Variants in EFCAB8 observed in about 807,000 individuals in gnomAD.
EFCAB8 encodes the protein EF-hand calcium binding domain 8, also known as EF-hand calcium-binding domain-containing protein 8.
Under a neutral mutation model 116.3 loss-of-function variants are expected in EFCAB8, and 100 were observed. That is an observed-to-expected ratio of 0.86 (90% CI 0.73 to 1.02). EFCAB8 has a LOEUF of 1.02. Ranked by LOEUF, EFCAB8 falls within the 50% of genes least tolerant of loss-of-function variation. EFCAB8 has a pLI of 0.00. For missense variants in EFCAB8, 1,320 were observed against 1,416.9 expected (o/e 0.93, Z 1.10); for synonymous variants, 558 against 567.9 (o/e 0.98, Z 0.25).
chr20:32,889,085 G>A (rs6058936), intron 6 of EFCAB8, among the ~76,000 whole-genome samples: 2 of 152,170 alleles, frequency 1.3e-5, no homozygotes, highest in East Asian at 3.9e-4. Context: ...TTTTAAAGAA[G>A]GTGTTCTTTA....
At chr20:32,935,942 T>C (rs904421720) in intron 22 of EFCAB8, among the ~76,000 whole-genome samples, 1 of 152,216 alleles carries the variant, frequency 6.6e-6, no homozygotes, top group Non-Finnish European at 1.5e-5. Context: ...TCTCTTTACT[T>C]TGTTCATTGT....
At chr20:32,922,149 T>C (rs1014812378) in intron 20 of EFCAB8, among the ~76,000 whole-genome samples, 3 of 152,162 alleles carry the variant, frequency 2.0e-5, no homozygotes, top group African/African-American at 7.2e-5. Flanking sequence ...TTTTAACAAC[T>C]GCCCACTGCT....
Position 32,877,063 on chromosome 20 carries a change from C to T in EFCAB8, c.327+1019C>T, listed in dbSNP as rs1336575469. Among the ~76,000 whole-genome samples the T allele has an allele frequency of 5.3e-5, 8 of 152,114 alleles. No individual in the cohort carries two copies. The East Asian group carries it at 1.2e-3, about 22-fold the overall frequency. On this transcript the variant is annotated intron_variant, in intron 4 of 26. Coordinates refer to ENST00000400522, the MANE Select transcript of EFCAB8 (RefSeq NM_001143967.2). ...TTAGGAGTTTGCCCAGGGCTTCAGA[C>T]TCATCAGCACTGGAGCCAGTATTCA...
At chr20:32,862,749 TC>T (rs915387363) in intron 1 of EFCAB8, among the ~76,000 whole-genome samples, 1 of 152,144 alleles carries the variant, frequency 6.6e-6, no homozygotes, top group African/African-American at 2.4e-5. Context: ...TGCCTCAGCC[TC>T]CCAAGTAGCT....
intron 11 of EFCAB8, among the ~76,000 whole-genome samples, chr20:32,902,449 C>A (rs947359962): frequency 1.3e-5 from 2 of 152,128 alleles, no homozygotes; most frequent in African/African-American, 4.8e-5. Flanking sequence ...TCAAAAAAAA[C>A]AAAAGACTCC....
intron 23 of EFCAB8, among the ~76,000 whole-genome samples, chr20:32,952,486 C>A (rs949814175): frequency 6.6e-6 from 1 of 152,170 alleles, no homozygotes; most frequent in Non-Finnish European, 1.5e-5. Context: ...CTTGTTCCAG[C>A]ACTATTTTTA....
intron 23 of EFCAB8, among the ~76,000 whole-genome samples, chr20:32,953,158 CT>C (rs1456042360): frequency 6.6e-6 from 1 of 152,144 alleles, no homozygotes; most frequent in Non-Finnish European, 1.5e-5. Flanking sequence ...GATATCCTTT[CT>C]TTTTTAACAT....
intron 5 of EFCAB8, among the ~76,000 whole-genome samples, chr20:32,883,995 C>T (rs1985480508): frequency 6.6e-6 from 1 of 152,150 alleles, no homozygotes; most frequent in African/African-American, 2.4e-5. Flanking sequence ...CTCAGCCTTC[C>T]AAAGTGCTGG....
intron 11 of EFCAB8, among the ~76,000 whole-genome samples, chr20:32,905,756 T>C (rs1254110317): frequency 5.0e-5 from 1 of 20,046 alleles, no homozygotes; most frequent in African/African-American, 1.9e-4. Flanking sequence ...TGAGACTCCA[T>C]CTCAAAAAAA....
chr20:32,935,188 C>CT (rs754022404), intron 22 of EFCAB8, among the ~76,000 whole-genome samples: 75 of 66,898 alleles, frequency 1.1e-3, no homozygotes, highest in South Asian at 4.8e-3. Context: ...TTCTTTCTTT[C>CT]TTTCTTTTTT....
chr20:32,879,953 C>G (rs971306509), intron 5 of EFCAB8, among the ~76,000 whole-genome samples: 1 of 152,148 alleles, frequency 6.6e-6, no homozygotes, highest in Admixed American at 6.5e-5. Flanking sequence ...CCCTGGACTC[C>G]CTAAGCATGA....
At chr20:32,925,966 C>T (rs112486247) in intron 20 of EFCAB8, among the ~76,000 whole-genome samples, 32 of 152,292 alleles carry the variant, frequency 2.1e-4, no homozygotes, top group Middle Eastern at 3.4e-3. Context: ...ACCTGTCCCT[C>T]GCAGCCACAC....
intron 11 of EFCAB8, among the ~76,000 whole-genome samples, chr20:32,901,204 T>C (rs1393346266): frequency 3.9e-5 from 6 of 152,224 alleles, no homozygotes; most frequent in Admixed American, 3.9e-4. Context: ...GCATTGGTGG[T>C]GGTATCACTT....
At chr20:32,919,538 C>T (rs1987351856) in intron 19 of EFCAB8, among the ~76,000 whole-genome samples, 1 of 151,970 alleles carries the variant, frequency 6.6e-6, no homozygotes, top group African/African-American at 2.4e-5. Context: ...ACTCTGTCAC[C>T]CAGGCTAGAG....
At chr20:32,897,024 G>A (rs1001797647) in intron 10 of EFCAB8, among the ~76,000 whole-genome samples, 1 of 152,140 alleles carries the variant, frequency 6.6e-6, no homozygotes, top group Non-Finnish European at 1.5e-5. Flanking sequence ...CTGCAGAGAC[G>A]CAGGCTCCTC....
At chr20:32,939,201 TTCCTCTCTCTC>T (rs1600452927) in intron 22 of EFCAB8, among the ~76,000 whole-genome samples, 9 of 76,516 alleles carry the variant, frequency 1.2e-4, no homozygotes, top group Admixed American at 2.5e-4. Flanking sequence ...CTTTCTTTCT[TTCCTCTCTCTC>T]TCTCTCTCTC....
rs1298960991 is a variant in EFCAB8, at chr20:32,904,957, G to C, written c.1089-1605G>C. Among the ~76,000 whole-genome samples the C allele has an allele frequency of 2.0e-5, 3 of 152,172 alleles. No individual in the cohort carries two copies. In the East Asian group the frequency reaches 5.8e-4, roughly 29 times the overall value. On this transcript the variant is annotated intron_variant, in intron 11 of 26. Coordinates refer to ENST00000400522, the MANE Select transcript of EFCAB8 (RefSeq NM_001143967.2). Reference sequence around the variant, plus strand: ...GGAGTTTTGAAGAGTGTAGTAGAAGGAGCTGGCGGGGCAGGATGTTGTGGA... The same window carrying C: ...GGAGTTTTGAAGAGTGTAGTAGAAGCAGCTGGCGGGGCAGGATGTTGTGGA...
At chr20:32,944,915 CTCTG>C (rs1364164165) in intron 23 of EFCAB8, among the ~76,000 whole-genome samples, 1 of 151,770 alleles carries the variant, frequency 6.6e-6, no homozygotes, top group Non-Finnish European at 1.5e-5. Context: ...CTTTCTCTCT[CTCTG>C]TCTCTCTCTC....
chr20:32,863,901 A>G, intron 2 of EFCAB8, 67 bp downstream of exon 2: 1 of 1,515,324 alleles, frequency 6.6e-7, no homozygotes, highest in Non-Finnish European at 8.9e-7. Context: ...AACCTCACTT[A>G]CCAGCATGGA....
Sources: allele counts gnomAD v4.1 joint callset (sites outside exome capture counted in the v4.1 genomes callset), GRCh38; gene constraint gnomAD v4.1.1; transcripts MANE v1.5; gene names NCBI Gene and HGNC (gene_info 2026-07-23, HGNC 2026-07-21).